The following MLLT10 variants were observed in gnomAD, a reference collection of about 807,000 sequenced individuals.
MLLT10 encodes MLLT10 histone lysine methyltransferase DOT1L cofactor, also known as protein AF-10.
In MLLT10, 30 loss-of-function variants were observed where a neutral mutation model predicts 129.1. The observed-to-expected ratio is 0.23, with a 90% CI of 0.17 to 0.32. MLLT10 has a LOEUF of 0.32. MLLT10 is among the 10% of genes least tolerant of loss of function. The pLI is 1.00. For synonymous variants in MLLT10, 490 were observed against 446.4 expected (o/e 1.10, Z -1.23); for missense variants, 1,119 against 1,268.3 (o/e 0.88, Z 1.79).
chr10:21,708,993 T>G (rs967696593), intron 13 of MLLT10, among the ~76,000 whole-genome samples: 1 of 152,190 alleles, frequency 6.6e-6, no homozygotes, highest in Admixed American at 6.5e-5. Flanking sequence ...GTAGCCATTA[T>G]CTTTGTTTTA....
At chr10:21,593,808 T>C (rs1036527911) in intron 4 of MLLT10, among the ~76,000 whole-genome samples, 1 of 151,620 alleles carries the variant, frequency 6.6e-6, no homozygotes, top group African/African-American at 2.4e-5. Flanking sequence ...GCACCTGTAA[T>C]CCCAGCTACT....
intron 5 of MLLT10, among the ~76,000 whole-genome samples, chr10:21,597,877 C>T (rs1201378864): frequency 6.6e-6 from 1 of 152,158 alleles, no homozygotes; most frequent in African/African-American, 2.4e-5. Flanking sequence ...TGCATCCTAT[C>T]AGTTGGTACA....
upstream of MLLT10, among the ~76,000 whole-genome samples, chr10:21,534,008 G>A (rs1225690908): frequency 2.6e-5 from 4 of 151,940 alleles, no homozygotes. Context: ...CGGCCCTAAC[G>A]TCCCCGCCCC....
chr10:21,692,658 T>C (rs533943187), intron 13 of MLLT10, among the ~76,000 whole-genome samples: 1 of 151,774 alleles, frequency 6.6e-6, no homozygotes, highest in East Asian at 1.9e-4. Context: ...TTTTTTTTTT[T>C]CTTTTTCAGT....
chr10:21,578,639 G>A (rs1170315279), intron 3 of MLLT10, among the ~76,000 whole-genome samples: 1 of 152,018 alleles, frequency 6.6e-6, no homozygotes, highest in Non-Finnish European at 1.5e-5. Context: ...TTTAAGTATA[G>A]TATCAGGAAG....
chr10:21,542,843 A>C (rs2035423617), intron 3 of MLLT10, among the ~76,000 whole-genome samples: 1 of 152,252 alleles, frequency 6.6e-6, no homozygotes, highest in Non-Finnish European at 1.5e-5. Flanking sequence ...CTATAGTCAC[A>C]CTACTGCACA....
chr10:21,619,476 C>CT (rs977726757), intron 8 of MLLT10, among the ~76,000 whole-genome samples: 2 of 152,096 alleles, frequency 1.3e-5, no homozygotes, highest in African/African-American at 4.8e-5. Flanking sequence ...GTGCTGATGA[C>CT]TACACGTATA....
rs573596079 is a variant in MLLT10 at position 21,613,172 on chromosome 10, G to A, written c.509+721G>A. 7.5e-5 allele frequency among the ~76,000 whole-genome samples: 8 copies of A among 106,902 alleles called. No individual in the cohort carries two copies. In the East Asian group the frequency reaches 8.6e-4, roughly 11 times the overall value. The allele number at this position is 106,902 out of a possible 152,430, so 70.1% of individuals were successfully genotyped here. On this transcript the variant is annotated intron_variant, in intron 6 of 22. Coordinates refer to ENST00000307729, the MANE Select transcript of MLLT10 (RefSeq NM_001195626.3). Reference sequence around the variant, plus strand: ...TTGCGCCATTGAACTCCAGCCTGGCGACAAACCAAGACTCTGTCTCAAAAA... The same window carrying A: ...TTGCGCCATTGAACTCCAGCCTGGCAACAAACCAAGACTCTGTCTCAAAAA...
chr10:21,576,665 T>C (rs2040798056), intron 3 of MLLT10, among the ~76,000 whole-genome samples: 1 of 149,724 alleles, frequency 6.7e-6, no homozygotes, highest in Non-Finnish European at 1.5e-5. Flanking sequence ...AGTTTTGCTC[T>C]TGTTGCCCAG....
intron 8 of MLLT10, among the ~76,000 whole-genome samples, chr10:21,621,775 A>C (rs1011057277): frequency 3.3e-5 from 5 of 152,156 alleles, no homozygotes; most frequent in Non-Finnish European, 7.3e-5. Context: ...TTCATTTCCC[A>C]TGAATGTGGG....
chr10:21,535,943 C>G (rs2130879289), intron 2 of MLLT10, among the ~76,000 whole-genome samples: 1 of 152,208 alleles, frequency 6.6e-6, no homozygotes, highest in East Asian at 1.9e-4. Context: ...TATTTTTTTA[C>G]TTTTTATTTT....
intron 4 of MLLT10, among the ~76,000 whole-genome samples, chr10:21,592,446 T>C (rs1040607819): frequency 1.3e-5 from 2 of 151,124 alleles, no homozygotes; most frequent in African/African-American, 4.9e-5. Context: ...TGTAGTTTTT[T>C]TTTTTTTGTT....
At chr10:21,610,980 T>C (rs2044558697) in intron 5 of MLLT10, among the ~76,000 whole-genome samples, 1 of 137,558 alleles carries the variant, frequency 7.3e-6, no homozygotes, top group South Asian at 2.3e-4. Context: ...TCTTTCTTTT[T>C]TCTCTTTTTT....
At position 21,660,615 on chromosome 10, in the gene MLLT10, C is replaced by CAAAAAAAAAA. The variant is rs55685640; in HGVS notation, c.795+8859_795+8868dup. The stretch of plus-strand genomic sequence containing the variant: ...CGGGTGACAGAGCAAGACTCCATCT[C>CAAAAAAAAAA]AAAAAAAAAAAAAAAAAAAAAGCCA... On this transcript the variant is annotated intron_variant, in intron 9 of 22. Transcript: ENST00000307729. Among the ~76,000 whole-genome samples the CAAAAAAAAAA allele has an allele frequency of 2.7e-3, 111 of 41,818 alleles. 5 individuals are homozygous for CAAAAAAAAAA. The highest frequency in any genetic ancestry group is 0.011 in the African/African-American group (106 of 9,782). 27.4% of individuals were successfully genotyped at this position (41,818 alleles called of 152,430 possible). A position where few individuals can be genotyped will look rare whatever the true frequency, so the allele number is the denominator to read the frequency against.
intron 13 of MLLT10, among the ~76,000 whole-genome samples, 183 bp downstream of exon 13, chr10:21,682,440 A>G (rs977945950): frequency 4.6e-5 from 7 of 152,210 alleles, no homozygotes; most frequent in African/African-American, 1.4e-4. Flanking sequence ...TGATAGGTCA[A>G]TATGGTTCAT....
Position 21,743,073 on chromosome 10 carries a change from A to G in MLLT10, c.*1090A>G, listed in dbSNP as rs942272342. 3.8e-4 allele frequency: 87 copies of G among 230,674 alleles called. No individual in the cohort carries two copies. Among genetic ancestry groups the G allele is most frequent in the African/African-American group, 1.8e-3 (83 of 45,326 alleles). The allele number at this position is 230,674 out of a possible 1,614,324, so 14.3% of individuals were successfully genotyped here. On this transcript the variant is annotated 3_prime_UTR_variant, in exon 23 of 23. Coordinates refer to ENST00000307729, the MANE Select transcript of MLLT10 (RefSeq NM_001195626.3). ...AGTTCCTGAAACAGGTGAAACCTGT[A>G]TGACAGCCCTTCCACTTTGGGGAGC...
chr10:21,569,955 G>A (rs1483385155), intron 3 of MLLT10, among the ~76,000 whole-genome samples: 2 of 151,972 alleles, frequency 1.3e-5, no homozygotes, highest in Non-Finnish European at 2.9e-5. Flanking sequence ...TGTTGCCCAG[G>A]CTAGAGTGCA....
chr10:21,593,145 A>T (rs1245740660), intron 4 of MLLT10, among the ~76,000 whole-genome samples: 2 of 149,614 alleles, frequency 1.3e-5, no homozygotes, highest in Admixed American at 6.7e-5. Context: ...CCCAGGCTGG[A>T]TTGCAGTGGC....
chr10:21,622,836 C>G (rs1313279789), intron 8 of MLLT10, among the ~76,000 whole-genome samples: 3 of 152,204 alleles, frequency 2.0e-5, no homozygotes, highest in Non-Finnish European at 4.4e-5. Flanking sequence ...TCCCACGAGA[C>G]TGCCCCCACT....
Sources: gnomAD v4.1 joint callset for allele counts (sites outside exome capture counted in the v4.1 genomes callset) on GRCh38, gnomAD v4.1.1 for gene constraint, MANE v1.5 for transcripts, NCBI Gene and HGNC (gene_info 2026-07-23, HGNC 2026-07-21) for gene names.